The following DNAH14 variants were observed in gnomAD, a reference collection of about 807,000 sequenced individuals.
The protein encoded by DNAH14 is dynein axonemal heavy chain 14.
DNAH14 carries 478 observed loss-of-function variants against 520.9 expected under a neutral mutation model. The observed-to-expected ratio is 0.92, with a 90% CI of 0.85 to 0.99. DNAH14 has a LOEUF of 0.99. Among genes scored for constraint, DNAH14 ranks in the 50% least tolerant of loss-of-function variants. DNAH14 has a pLI of 0.00. For missense variants in DNAH14, 4,831 were observed against 5,234.5 expected (o/e 0.92, Z 2.38); for synonymous variants, 1,581 against 1,757.2 (o/e 0.90, Z 2.51).
intron 72 of DNAH14, among the ~76,000 whole-genome samples, chr1:225,352,172 A>G (rs1228796347): frequency 2.0e-5 from 3 of 152,198 alleles, no homozygotes; most frequent in Non-Finnish European, 4.4e-5. Context: ...AATCTGAACA[A>G]ACCTACATAT....
chr1:225,047,856 T>C (rs1215079524), intron 15 of DNAH14, among the ~76,000 whole-genome samples: 1 of 152,226 alleles, frequency 6.6e-6, no homozygotes, highest in South Asian at 2.1e-4. Context: ...ATGTAGTTTG[T>C]AATAGTTAGA....
At chr1:225,278,848 A>G (rs978719171) in intron 54 of DNAH14, among the ~76,000 whole-genome samples, 4 of 152,208 alleles carry the variant, frequency 2.6e-5, no homozygotes, top group Non-Finnish European at 5.9e-5. Flanking sequence ...CTCAACTGGA[A>G]TCTGGCCTTA....
intron 20 of DNAH14, 71 bp downstream of exon 20, chr1:225,082,810 A>C: frequency 8.0e-7 from 1 of 1,245,726 alleles, no homozygotes; most frequent in Admixed American, 2.5e-5. Flanking sequence ...AGGCGAGTAA[A>C]TATACAATGG....
At chr1:225,373,515 A>G (rs2095646250) in intron 77 of DNAH14, among the ~76,000 whole-genome samples, 1 of 151,972 alleles carries the variant, frequency 6.6e-6, no homozygotes. Context: ...AGGGAGGCGG[A>G]GGTGATAAAT....
chr1:225,206,897 G>A, intron 40 of DNAH14, 71 bp from the exon 41 acceptor site: 1 of 1,301,456 alleles, frequency 7.7e-7, no homozygotes. Context: ...AGTAAAAAGA[G>A]AGTAAGATAG....
chr1:225,394,161 T>G (rs942539879), intron 84 of DNAH14, among the ~76,000 whole-genome samples: 1 of 152,214 alleles, frequency 6.6e-6, no homozygotes, highest in African/African-American at 2.4e-5. Flanking sequence ...ATTTCCTTGA[T>G]GATTAATTAA....
intron 1 of DNAH14, among the ~76,000 whole-genome samples, chr1:224,934,409 TC>T (rs1216998265): frequency 6.6e-6 from 1 of 151,846 alleles, no homozygotes; most frequent in Non-Finnish European, 1.5e-5. Context: ...TTTGAAAGCT[TC>T]AACAATTGAT....
chr1:225,054,835 A>T (rs968701793), intron 17 of DNAH14, among the ~76,000 whole-genome samples: 14 of 151,988 alleles, frequency 9.2e-5, no homozygotes, highest in Admixed American at 2.0e-4. Flanking sequence ...TTTATTTTTT[A>T]TATTCTCCTT....
chr1:225,318,606 T>C lies in DNAH14; in HGVS notation c.9264T>C (p.Ser3088=), dbSNP rs1184770932. 2.6e-6 allele frequency: 4 copies of C among 1,548,470 alleles called. No homozygotes were observed. In the African/African-American group the frequency reaches 4.1e-5, roughly 16 times the overall value. Residue 3088 remains serine (S), a synonymous_variant, in exon 61 of 86, where the codon AGT becomes AGC. Coordinates refer to ENST00000682510, the MANE Select transcript of DNAH14 (RefSeq NM_001367479.1). ...YAQKTANELK[S]VLPAFDKAIV... Reference sequence around the variant, plus strand: ...AGAAAACTGCCAATGAACTAAAAAGTGTGCTGCCAGCCTTTGACAAGGCAA... The same window carrying C: ...AGAAAACTGCCAATGAACTAAAAAGCGTGCTGCCAGCCTTTGACAAGGCAA...
At chr1:225,074,614 G>A (rs982628910) in intron 17 of DNAH14, among the ~76,000 whole-genome samples, 2 of 152,152 alleles carry the variant, frequency 1.3e-5, no homozygotes, top group Non-Finnish European at 2.9e-5. Context: ...AACACCAGCG[G>A]GGTGGCTGGA....
intron 21 of DNAH14, among the ~76,000 whole-genome samples, chr1:225,093,156 GA>G (rs2074559792): frequency 6.6e-6 from 1 of 152,030 alleles, no homozygotes; most frequent in African/African-American, 2.4e-5. Flanking sequence ...TGTGATGCCA[GA>G]ATCATCCTGA....
At chr1:225,102,545 A>G (rs1463896184) in intron 23 of DNAH14, among the ~76,000 whole-genome samples, 1 of 152,180 alleles carries the variant, frequency 6.6e-6, no homozygotes, top group Non-Finnish European at 1.5e-5. Context: ...CATCCTCTCC[A>G]GCACCTGTTG....
In DNAH14 at chr1:224,967,408, TATTA is replaced by T. The variant is rs745439395; in HGVS notation, c.499-22_499-19del. On this transcript the variant is annotated intron_variant, in intron 5 of 85. Transcript: ENST00000682510. ...TTTAGTCAAATTAATTAAATTTGTT[TATTA>T]TTTTTTTTTTAATCTCAGAAACCTT... 132 of 1,494,278 alleles carry T rather than the reference TATTA, an allele frequency of 8.8e-5. No homozygotes were observed. The highest frequency in any genetic ancestry group is 4.0e-4 in the East Asian group (16 of 40,496). The allele number at this position is 1,494,278 out of a possible 1,614,324, so 92.6% of individuals were successfully genotyped here.
At chr1:225,330,358 G>A (rs1314299498) in intron 64 of DNAH14, among the ~76,000 whole-genome samples, 2 of 152,220 alleles carry the variant, frequency 1.3e-5, no homozygotes, top group East Asian at 3.8e-4. Flanking sequence ...GCACTTCCAT[G>A]TTTGTTGCAG....
chr1:225,006,920 C>T (rs541742205), intron 9 of DNAH14, among the ~76,000 whole-genome samples: 14 of 152,184 alleles, frequency 9.2e-5, no homozygotes, highest in Admixed American at 6.5e-5. Flanking sequence ...ATGTCACCCC[C>T]AGAGGCCCAG....
intron 43 of DNAH14, among the ~76,000 whole-genome samples, chr1:225,243,827 A>G (rs1393402322): frequency 6.6e-6 from 1 of 151,884 alleles, no homozygotes; most frequent in Non-Finnish European, 1.5e-5. Flanking sequence ...TCCTATCTTC[A>G]TACCCTTTAT....
At chr1:224,956,411 GT>G (rs1427694778) in intron 3 of DNAH14, among the ~76,000 whole-genome samples, 2 of 152,064 alleles carry the variant, frequency 1.3e-5, no homozygotes, top group Non-Finnish European at 2.9e-5. Context: ...GTTGAGATGT[GT>G]TTAGATACAC....
rs1324176488 is a variant in DNAH14 at position 225,381,500 on chromosome 1, A to G, written c.12998A>G (p.Lys4333Arg). ...TTAAAAGATCTTCAGCTTGCTATAA[A>G]AGGAGAGATCATCCTCACCCAAGAA... Reference protein sequence around the residue: ...KSLKDLQLAIKGEIILTQELE... With the variant: ...KSLKDLQLAIRGEIILTQELE... Residue 4333 changes from lysine to arginine, a missense_variant, in exon 81 of 86, where the codon AAA (lysine) becomes AGA (arginine). Physicochemically the swap from Lys to Arg is conservative, Grantham distance 26 (BLOSUM62 2). Coordinates refer to ENST00000682510, the MANE Select transcript of DNAH14 (RefSeq NM_001367479.1). The G allele has an allele frequency of 6.5e-7, 1 of 1,549,980 alleles. No individual in the cohort carries two copies. Among genetic ancestry groups the G allele is most frequent in the Non-Finnish European group, 8.7e-7 (1 of 1,146,574 alleles).
chr1:225,212,538 C>T (rs1443856451), intron 41 of DNAH14, among the ~76,000 whole-genome samples: 4 of 152,116 alleles, frequency 2.6e-5, no homozygotes, highest in Admixed American at 6.5e-5. Flanking sequence ...TAAAAGTGTT[C>T]CTATTTCTCC....
Sources: allele counts gnomAD v4.1 joint callset (sites outside exome capture counted in the v4.1 genomes callset), GRCh38; gene constraint gnomAD v4.1.1; transcripts MANE v1.5; gene names NCBI Gene and HGNC (gene_info 2026-07-23, HGNC 2026-07-21).